FARSB: variants seen among roughly 807,000 people sequenced by gnomAD.
FARSB encodes the protein phenylalanyl-tRNA synthetase subunit beta.
A neutral mutation model predicts 69.6 loss-of-function variants in FARSB; 40 were observed. The ratio of observed to expected loss-of-function variants is 0.57; its 90% CI spans 0.45 to 0.75. The LOEUF (loss-of-function observed/expected upper bound fraction) is 0.75, where lower values mean the gene tolerates loss of function less well. Among genes scored for constraint, FARSB ranks in the 30% least tolerant of loss-of-function variants. The pLI is 0.00. For missense variants in FARSB, 632 were observed against 722.9 expected (o/e 0.87, Z 1.44); for synonymous variants, 235 against 247.2 (o/e 0.95, Z 0.46).
Position 222,640,927 on chromosome 2 carries a change from T to C in FARSB, c.274A>G (p.Lys92Glu). 1.4e-6 allele frequency: 2 copies of C among 1,476,264 alleles called. No individual in the cohort carries two copies. Among genetic ancestry groups the C allele is most frequent in the Non-Finnish European group, 1.9e-6 (2 of 1,072,790 alleles). 91.4% of individuals were successfully genotyped at this position (1,476,264 alleles called of 1,614,324 possible). The change falls in exon 4 of 17, where the codon AAG becomes GAG. Residue 92 changes from lysine to glutamate, a missense_variant. Transcript: ENST00000281828. ...ATTACCCGTTTATACACTGGAGCCT[T>C]TATCCTAAAATAATATTTAAATGAA... ...RGLQVFKERI[K>E]APVYKRVMPD...
At chr2:222,631,847 C>A (rs543342350) in intron 7 of FARSB, among the ~76,000 whole-genome samples, 173 bp from the exon 8 acceptor site, 6 of 152,176 alleles carry the variant, frequency 3.9e-5, no homozygotes, top group Non-Finnish European at 7.4e-5. Context: ...CCAAAGTGGG[C>A]GGATCACCTG....
At chr2:222,614,413 T>C (rs1321896883) in intron 14 of FARSB, among the ~76,000 whole-genome samples, 1 of 152,196 alleles carries the variant, frequency 6.6e-6, no homozygotes, top group Non-Finnish European at 1.5e-5. Flanking sequence ...TACACACCAC[T>C]GCACCCAGCT....
At chr2:222,639,256 C>A (rs776384166) in intron 5 of FARSB, among the ~76,000 whole-genome samples, 7 of 152,070 alleles carry the variant, frequency 4.6e-5, no homozygotes, top group Non-Finnish European at 1.0e-4. Flanking sequence ...ACCAAAACAA[C>A]AACAACAAAA....
chr2:222,634,746 C>A (rs1371581182), intron 5 of FARSB, among the ~76,000 whole-genome samples: 2 of 152,070 alleles, frequency 1.3e-5, no homozygotes, highest in Non-Finnish European at 2.9e-5. Context: ...ATTCTCACAA[C>A]CATTAAGAGT....
At position 222,568,270 on chromosome 2, in the gene FARSB, T is replaced by C. The variant is rs898437709; in HGVS notation, c.*3601A>G. 6 of 152,174 alleles carry C rather than the reference T, an allele frequency of 3.9e-5. No individual in the cohort carries two copies. Among genetic ancestry groups the C allele is most frequent in the Non-Finnish European group, 7.3e-5 (5 of 68,028 alleles). The allele number at this position is 152,174 out of a possible 1,614,324, so 9.4% of individuals were successfully genotyped here. A position where few individuals can be genotyped will look rare whatever the true frequency, so the allele number is the denominator to read the frequency against. On this transcript the variant is annotated 3_prime_UTR_variant, in exon 17 of 17. Coordinates refer to ENST00000281828, the MANE Select transcript of FARSB (RefSeq NM_005687.5). The surrounding 1 kb of genome is among the most constrained non-coding windows in gnomAD (Gnocchi z 4.3). ...TATTGGACTTAACAATTTTTAACTT[T>C]TTGTCTCCCATTATTTTTATATTTT...
At chr2:222,607,740 A>ATT (rs1162221989) in intron 15 of FARSB, among the ~76,000 whole-genome samples, 7 of 151,972 alleles carry the variant, frequency 4.6e-5, no homozygotes, top group African/African-American at 9.7e-5. Flanking sequence ...TATATTTTCA[A>ATT]TTTTTTTAAA....
At chr2:222,600,132 A>T in intron 15 of FARSB, 49 bp from the exon 16 acceptor site, 1 of 1,482,956 alleles carries the variant, frequency 6.7e-7, no homozygotes, top group Non-Finnish European at 9.1e-7. Flanking sequence ...CCATTGCTTA[A>T]GAAACTGATT....
At chr2:222,629,387 A>G (rs1691360058) in intron 9 of FARSB, among the ~76,000 whole-genome samples, 1 of 152,234 alleles carries the variant, frequency 6.6e-6, no homozygotes, top group Non-Finnish European at 1.5e-5. Flanking sequence ...AGTTTTTTAA[A>G]CTAAAAATAT....
At chr2:222,647,712 C>G (rs1691906747) in intron 2 of FARSB, among the ~76,000 whole-genome samples, 1 of 152,184 alleles carries the variant, frequency 6.6e-6, no homozygotes, top group Non-Finnish European at 1.5e-5. Flanking sequence ...TTGTGGTGAG[C>G]CAAGATCGCG....
chr2:222,591,098 T>C (rs1485836127), intron 16 of FARSB, among the ~76,000 whole-genome samples: 1 of 151,512 alleles, frequency 6.6e-6, no homozygotes, highest in African/African-American at 2.4e-5. Context: ...CCTGGCTACC[T>C]GGGGAGGCTG....
intron 1 of FARSB, among the ~76,000 whole-genome samples, chr2:222,651,708 C>A (rs2106018198): frequency 6.6e-6 from 1 of 152,330 alleles, no homozygotes; most frequent in East Asian, 1.9e-4. Flanking sequence ...CAGTAACATG[C>A]ACCAAAGACC....
chr2:222,619,781 C>T (rs754179310), intron 13 of FARSB, 44 bp from the exon 14 acceptor site: 1 of 1,081,618 alleles, frequency 9.2e-7, no homozygotes. Context: ...AAAGCAATTA[C>T]TTAAGTTTAA....
chr2:222,594,802 G>C (rs775604525), intron 16 of FARSB, among the ~76,000 whole-genome samples: 1 of 152,122 alleles, frequency 6.6e-6, no homozygotes, highest in Non-Finnish European at 1.5e-5. Flanking sequence ...CCCTCAAAAA[G>C]AGTTAAGTGA....
intron 5 of FARSB, among the ~76,000 whole-genome samples, chr2:222,638,035 C>T (rs548966976): frequency 6.6e-6 from 1 of 151,906 alleles, no homozygotes; most frequent in Admixed American, 6.6e-5. Flanking sequence ...TCTAGCCACA[C>T]TGATCAAAGG....
At chr2:222,651,778 T>C (rs1045857383) in intron 1 of FARSB, among the ~76,000 whole-genome samples, 21 of 152,134 alleles carry the variant, frequency 1.4e-4, no homozygotes, top group African/African-American at 4.8e-4. Flanking sequence ...TTGAAAGGGA[T>C]AGAAATAGGA....
chr2:222,652,130 C>G (rs546708893), intron 1 of FARSB, among the ~76,000 whole-genome samples: 1 of 152,296 alleles, frequency 6.6e-6, no homozygotes, highest in East Asian at 1.9e-4. Context: ...TCTCGAGTCT[C>G]TCAGGCCAAC....
At chr2:222,654,642 C>A (rs960956773) in intron 1 of FARSB, among the ~76,000 whole-genome samples, 2 of 152,180 alleles carry the variant, frequency 1.3e-5, no homozygotes, top group African/African-American at 4.8e-5. Context: ...AAGAGTAATA[C>A]AATACCCTTG....
intron 15 of FARSB, 86 bp from the exon 16 acceptor site, chr2:222,600,169 C>A: frequency 8.6e-7 from 1 of 1,159,552 alleles, no homozygotes; most frequent in Non-Finnish European, 1.2e-6. Context: ...TAGAAAAAGT[C>A]AACAAAAAAG....
intron 14 of FARSB, among the ~76,000 whole-genome samples, chr2:222,618,258 T>C (rs1364380170): frequency 1.3e-5 from 2 of 152,212 alleles, no homozygotes; most frequent in African/African-American, 2.4e-5. Context: ...GTTCTATAGA[T>C]AAACTTTAGA....
Sources: allele counts gnomAD v4.1 joint callset (sites outside exome capture counted in the v4.1 genomes callset), GRCh38; gene constraint gnomAD v4.1.1; non-coding constraint Gnocchi (gnomAD v3.1); transcripts MANE v1.5; gene names NCBI Gene and HGNC (gene_info 2026-07-23, HGNC 2026-07-21).